Variants in DHX8 observed in about 807,000 individuals in gnomAD.
DHX8 encodes the protein DEAH-box helicase 8.
In DHX8, 67 loss-of-function variants were observed where a neutral mutation model predicts 140.7. The ratio of observed to expected loss-of-function variants is 0.48; its 90% confidence interval spans 0.39 to 0.58. The LOEUF (loss-of-function observed/expected upper bound fraction) is 0.58, where lower values mean the gene tolerates loss of function less well. Ranked by LOEUF, DHX8 falls within the 20% of genes least tolerant of loss-of-function variation. The pLI is 0.00. For missense variants in DHX8, 887 were observed against 1,550.7 expected, an observed-to-expected ratio of 0.57 and a Z score of 7.19; for synonymous variants, 533 against 553.2, an observed-to-expected ratio of 0.96 and a Z score of 0.51.
At chr17:43,526,786 T>A, downstream of DHX8, 1 of 1,073,662 alleles carries the variant, frequency 9.3e-7, no homozygotes, top group Non-Finnish European at 1.2e-6. Flanking sequence ...TATATATTTT[T>A]AAAACCTGTT....
At chr17:43,502,449 G>C (rs572769070) in intron 11 of DHX8, among the ~76,000 whole-genome samples, 17 of 152,090 alleles carry the variant, frequency 1.1e-4, no homozygotes, top group East Asian at 7.7e-4. Context: ...TTTTGAGATG[G>C]AGTCTCACTA....
chr17:43,504,492 C>G, intron 11 of DHX8, 152 bp from the exon 12 acceptor site: 1 of 722,874 alleles, frequency 1.4e-6, no homozygotes, highest in South Asian at 1.9e-5. Context: ...ATATTCTTTT[C>G]TTCACATTAA....
downstream of DHX8, chr17:43,530,481 G>A (rs1970855520): frequency 7.7e-7 from 1 of 1,291,528 alleles, no homozygotes; most frequent in Non-Finnish European, 1.0e-6. Context: ...TTTCCTGCGA[G>A]TTCAGGGGGA....
At chr17:43,514,847 A>G (rs570646687) in intron 17 of DHX8, among the ~76,000 whole-genome samples, 142 of 152,334 alleles carry the variant, frequency 9.3e-4, no homozygotes, top group African/African-American at 3.3e-3. Flanking sequence ...GGTGGTGTGT[A>G]TCTATATTTA....
At position 43,516,430 on chromosome 17, in the gene DHX8, G is replaced by GATTTTT. The variant is rs537881149; in HGVS notation, c.2644-724_2644-719dup. ...TTCTGTCATTTAACATTGCAAACAT[G>GATTTTT]ATTTTTATTTTTATTTTTTATTTTA... On this transcript the variant is annotated intron_variant, in intron 17 of 22. Coordinates refer to ENST00000262415, the MANE Select transcript of DHX8 (RefSeq NM_004941.3). Among the ~76,000 whole-genome samples, 700 of 152,176 alleles carry GATTTTT rather than the reference G, an allele frequency of 4.6e-3. 7 individuals are homozygous for GATTTTT. Among genetic ancestry groups the GATTTTT allele is most frequent in the Non-Finnish European group, 4.6e-3 (316 of 68,006 alleles).
At chr17:43,517,585 T>C in intron 18 of DHX8, 1 of 395,106 alleles carries the variant, frequency 2.5e-6, no homozygotes, top group Non-Finnish European at 4.5e-6. Context: ...GTTAGGAGCA[T>C]TTTCTAAAAG....
In DHX8 at chr17:43,522,184, A is replaced by C. The variant is rs1970407204; in HGVS notation, c.3401A>C (p.Tyr1134Ser). 1.2e-6 allele frequency: 2 copies of C among 1,613,942 alleles called. No individual in the cohort carries two copies. Among genetic ancestry groups the C allele is most frequent in the Non-Finnish European group, 1.7e-6 (2 of 1,179,978 alleles). Residue 1134 changes from tyrosine to serine, a missense_variant, in exon 22 of 23, where the codon TAT (tyrosine) becomes TCT (serine). Transcript: ENST00000262415. ...YRTLIDQQVVYIHPSSALFNR... is the reference protein window; with the variant it reads ...YRTLIDQQVVSIHPSSALFNR... Reference sequence around the variant, plus strand: ...ACACTGATCGACCAGCAGGTGGTCTATATCCATCCTTCCAGTGCCCTCTTC... The same window carrying C: ...ACACTGATCGACCAGCAGGTGGTCTCTATCCATCCTTCCAGTGCCCTCTTC...
intron 2 of DHX8, chr17:43,533,753 G>T: frequency 7.0e-7 from 1 of 1,418,942 alleles, no homozygotes; most frequent in Non-Finnish European, 9.5e-7. Flanking sequence ...AATCCTTTCT[G>T]TTGTCTAACT....
At chr17:43,526,134 G>C, downstream of DHX8, 1 of 977,324 alleles carries the variant, frequency 1.0e-6, no homozygotes, top group Non-Finnish European at 1.2e-6. Context: ...TGAGGGAGAA[G>C]GGGGGGGTCC....
chr17:43,484,384 C>T (rs889947646), intron 1 of DHX8, among the ~76,000 whole-genome samples, 199 bp downstream of exon 1: 3 of 152,116 alleles, frequency 2.0e-5, no homozygotes, highest in Non-Finnish European at 2.9e-5. Context: ...GAAACTTTCC[C>T]AGAGCTGTCA....
chr17:43,533,253 C>G, intron 2 of DHX8: 1 of 1,613,952 alleles, frequency 6.2e-7, no homozygotes, highest in Non-Finnish European at 8.5e-7. Flanking sequence ...CAGGAAATTC[C>G]GTTGCTCTGC....
At chr17:43,491,069 G>T in intron 3 of DHX8, 96 bp from the exon 4 acceptor site, 1 of 504,186 alleles carries the variant, frequency 2.0e-6, no homozygotes, top group South Asian at 5.7e-5. Context: ...GTTTCAGTTT[G>T]ATACAAATCT....
intron 2 of DHX8, among the ~76,000 whole-genome samples, chr17:43,536,117 A>AAAAC (rs113078365): frequency 0.014 from 2,136 of 151,718 alleles, 62 homozygotes; most frequent in African/African-American, 0.048. Context: ...TCTTGGGGGG[A>AAAAC]AAACAAACAA....
intron 13 of DHX8, 117 bp downstream of exon 13, chr17:43,507,314 A>C (rs775544227): frequency 5.6e-5 from 70 of 1,248,740 alleles, no homozygotes; most frequent in Non-Finnish European, 6.9e-5. Context: ...TGAGGGAGAG[A>C]GGGTTCCCAT....
Position 43,524,205 on chromosome 17 carries a change from A to G in DHX8, c.*358A>G, listed in dbSNP as rs964408585. 4 of 1,126,538 alleles carry G rather than the reference A, an allele frequency of 3.6e-6. No homozygotes were observed. In the African/African-American group the frequency reaches 4.9e-5, roughly 14 times the overall value. 69.8% of individuals were successfully genotyped at this position (1,126,538 alleles called of 1,614,324 possible). A position where few individuals can be genotyped will look rare whatever the true frequency, so the allele number is the denominator to read the frequency against. Reference sequence around the variant, plus strand: ...GACATGGTGAGTGCCCTGATGCCCCAGCTAGCAGGAGCTACTGTGCTCATC... The same window carrying G: ...GACATGGTGAGTGCCCTGATGCCCCGGCTAGCAGGAGCTACTGTGCTCATC... On this transcript the variant is annotated 3_prime_UTR_variant, in exon 23 of 23. Transcript: ENST00000262415.
chr17:43,526,130 A>G, downstream of DHX8: 2 of 985,186 alleles, frequency 2.0e-6, no homozygotes, highest in Non-Finnish European at 2.4e-6. Context: ...GCTCTGAGGG[A>G]GAAGGGGGGG....
chr17:43,523,938 G>C lies in DHX8; in HGVS notation c.*91G>C. On this transcript the variant is annotated 3_prime_UTR_variant, in exon 23 of 23. Transcript: ENST00000262415. ...CTGGTCCTGAGGATACAGCTGTCCC[G>C]TGACTGACTGTCTTAACTGAGCATT... 1.0e-5 allele frequency: 16 copies of C among 1,547,452 alleles called. No individual in the cohort carries two copies. Among genetic ancestry groups the C allele is most frequent in the Non-Finnish European group, 1.4e-5 (16 of 1,146,742 alleles).
intron 2 of DHX8, chr17:43,532,607 C>T (rs1043157718): frequency 1.0e-5 from 15 of 1,434,398 alleles, no homozygotes; most frequent in East Asian, 2.4e-5. Flanking sequence ...TAAAAAAACT[C>T]GGGAGACATT....
At chr17:43,520,696 A>G (rs1970331367) in intron 19 of DHX8, 55 bp from the exon 20 acceptor site, 1 of 1,611,616 alleles carries the variant, frequency 6.2e-7, no homozygotes, top group Admixed American at 1.7e-5. Context: ...TGCTCTGGTG[A>G]ATCCAAATGT....
Sources: allele counts gnomAD v4.1 joint callset (sites outside exome capture counted in the v4.1 genomes callset), GRCh38; gene constraint gnomAD v4.1.1; transcripts MANE v1.5; gene names NCBI Gene and HGNC (gene_info 2026-07-23, HGNC 2026-07-21).